The following LTF variants were observed in gnomAD, a reference collection of about 807,000 sequenced individuals.
LTF encodes the protein epididymis luminal protein 110.
A neutral mutation model predicts 87.2 loss-of-function variants in LTF; 91 were observed. The observed-to-expected ratio is 1.04, with a 90% CI of 0.88 to 1.24. The LOEUF is 1.24. Ranked by LOEUF, LTF falls within the 50% of genes most tolerant of loss-of-function variation. The pLI, the probability that LTF is intolerant of heterozygous loss-of-function variation, is 0.00. For missense variants in LTF, 901 were observed against 904.3 expected (o/e 1.00, Z 0.05); for synonymous variants, 378 against 356.1 (o/e 1.06, Z -0.69).
Position 46,437,997 on chromosome 3 carries a change from A to G in LTF, c.2041T>C (p.Tyr681His). Reference protein sequence around the residue: ...RLHGKTTYEKYLGPQYVAGIT... With the variant: ...RLHGKTTYEKHLGPQYVAGIT... ...CCTGCGACATACTGTGGTCCCAAATATTTTTCATATGTTGTTTTGCCATGG... is the reference window on the plus strand; with the variant it reads ...CCTGCGACATACTGTGGTCCCAAATGTTTTTCATATGTTGTTTTGCCATGG... Residue 681 changes from tyrosine (Y) to histidine (H), a missense_variant, in exon 16 of 17, where the codon TAT becomes CAT. Transcript: ENST00000231751. 1 of 1,613,446 alleles carries G rather than the reference A, an allele frequency of 6.2e-7. No individual in the cohort carries two copies. Among genetic ancestry groups the G allele is most frequent in the Non-Finnish European group, 8.5e-7 (1 of 1,179,890 alleles).
intron 14 of LTF, 120 bp downstream of exon 14, chr3:46,441,296 C>A: frequency 1.4e-6 from 1 of 731,376 alleles, no homozygotes; most frequent in Non-Finnish European, 2.3e-6. Flanking sequence ...TTTTGGAGTT[C>A]TTTTAATCAC....
intron 16 of LTF, 150 bp downstream of exon 16, chr3:46,437,790 A>G (rs1375606235): frequency 6.1e-6 from 4 of 650,942 alleles, no homozygotes; most frequent in Non-Finnish European, 1.1e-5. Context: ...TTATTTTATC[A>G]ATGAGATTAT....
chr3:46,446,453 A>G lies in LTF; in HGVS notation c.1344T>C (p.Asp448=). 1 of 1,613,874 alleles carries G rather than the reference A, an allele frequency of 6.2e-7. No individual in the cohort carries two copies. The highest frequency in any genetic ancestry group is 1.1e-5 in the South Asian group (1 of 91,004). Residue 448 remains aspartate (D), a synonymous_variant, in exon 11 of 17, where the codon GAT becomes GAC. Transcript: ENST00000231751. ...QSSDPDPNCV[D]RPVEGYLAVA... ...ATGCCAACTCACCTTCCACAGGTCT[A>G]TCCACACAGTTAGGATCAGGGTCAC...
chr3:46,456,902 G>A (rs1702951364), intron 2 of LTF, among the ~76,000 whole-genome samples: 1 of 152,194 alleles, frequency 6.6e-6, no homozygotes, highest in Non-Finnish European at 1.5e-5. Flanking sequence ...CCAAGGACCA[G>A]TTTCAGGGAA....
chr3:46,454,468 G>C, intron 5 of LTF, 108 bp from the exon 6 acceptor site: 3 of 989,110 alleles, frequency 3.0e-6, no homozygotes, highest in Non-Finnish European at 4.9e-6. Context: ...ACTCCCTGCA[G>C]GGCAGGGCTC....
At chr3:46,452,430 T>G (rs1480062672) in intron 6 of LTF, among the ~76,000 whole-genome samples, 7 of 152,266 alleles carry the variant, frequency 4.6e-5, no homozygotes, top group Non-Finnish European at 8.8e-5. Context: ...AATATGCTGA[T>G]TTTTCATGGA....
intron 1 of LTF, among the ~76,000 whole-genome samples, chr3:46,471,303 T>C (rs1559611304): frequency 6.6e-6 from 1 of 152,222 alleles, no homozygotes; most frequent in Non-Finnish European, 1.5e-5. Context: ...TCTCCTTGGC[T>C]TACCTTCTCC....
At chr3:46,454,421 G>T (rs961008432) in intron 5 of LTF, 61 bp from the exon 6 acceptor site, 2 of 1,360,680 alleles carry the variant, frequency 1.5e-6, no homozygotes, top group African/African-American at 1.4e-5. Flanking sequence ...CCTCCCTGTG[G>T]AACAGTAGCC....
chr3:46,482,550 G>GAAGGA (rs1559614531), intron 1 of LTF, among the ~76,000 whole-genome samples: 4 of 95,670 alleles, frequency 4.2e-5, no homozygotes, highest in African/African-American at 1.7e-4. Flanking sequence ...GAAGGGAAGG[G>GAAGGA]AAGGGAAGGG....
chr3:46,482,040 A>ATTT (rs980048200), intron 1 of LTF, among the ~76,000 whole-genome samples: 1 of 152,094 alleles, frequency 6.6e-6, no homozygotes, highest in African/African-American at 2.4e-5. Flanking sequence ...TGACATAAGC[A>ATTT]TTTTTTTTCA....
intron 13 of LTF, among the ~76,000 whole-genome samples, chr3:46,443,220 G>A (rs1171228391): frequency 1.3e-5 from 2 of 152,236 alleles, no homozygotes; most frequent in South Asian, 2.1e-4. Flanking sequence ...ACAGGGAGAA[G>A]CACTGCGGAG....
At position 46,441,228 on chromosome 3, in the gene LTF, G is replaced by A. The variant is rs191984918; in HGVS notation, c.1723+188C>T. 8.6e-5 allele frequency among the ~76,000 whole-genome samples: 13 copies of A among 152,014 alleles called. No individual in the cohort carries two copies. The East Asian group carries it at 1.4e-3, about 16-fold the overall frequency. ...GAGAGAGTGTGTGTGTATGAATTTC[G>A]TTTCAAAATCCATATGACACCTACA... is the stretch of plus-strand genomic sequence containing the variant. On this transcript the variant is annotated intron_variant, in intron 14 of 16. Coordinates refer to ENST00000231751, the MANE Select transcript of LTF (RefSeq NM_002343.6).
At chr3:46,447,282 T>C in intron 10 of LTF, 26 bp downstream of exon 10, 1 of 1,583,930 alleles carries the variant, frequency 6.3e-7, no homozygotes, top group South Asian at 1.1e-5. Flanking sequence ...AGAGGGAATA[T>C]ACCAGAGGAT....
At position 46,454,370 on chromosome 3, in the gene LTF, G is replaced by A. The variant is rs1005017666; in HGVS notation, c.648-10C>T. ...CCCGTCTCTCAGACACCTGTGAAAA[G>A]AGAAACCATCAGGGGTAAGCACAGG... On this transcript the variant is annotated splice_polypyrimidine_tract_variant and intron_variant, in intron 5 of 16. Coordinates refer to ENST00000231751, the MANE Select transcript of LTF (RefSeq NM_002343.6). 8.7e-6 allele frequency: 14 copies of A among 1,613,890 alleles called. No homozygotes were observed. Among genetic ancestry groups the A allele is most frequent in the Non-Finnish European group, 1.2e-5 (14 of 1,179,762 alleles).
intron 2 of LTF, among the ~76,000 whole-genome samples, chr3:46,458,101 A>G (rs1702985982): frequency 6.6e-6 from 1 of 152,146 alleles, no homozygotes; most frequent in African/African-American, 2.4e-5. Flanking sequence ...ATTCTTTTAT[A>G]GAGTGTAAAT....
rs1703368009 is a variant in LTF at position 46,477,023 on chromosome 3, T to C, written c.-319-6557A>G. ...TATGTATTCTTTTCTGTTGGTCATG[T>C]ACTTAGGAATGGAGTTTTACAGCAT... On this transcript the variant is annotated intron_variant, in intron 1 of 19. Coordinates refer to the LTF transcript ENST00000443496. Among the ~76,000 whole-genome samples, 4 of 152,366 alleles carry C rather than the reference T, an allele frequency of 2.6e-5. No individual in the cohort carries two copies. In the South Asian group the frequency reaches 6.2e-4, roughly 24 times the overall value.
intron 6 of LTF, among the ~76,000 whole-genome samples, chr3:46,451,533 C>T (rs1702801445): frequency 1.3e-5 from 2 of 152,102 alleles, no homozygotes; most frequent in African/African-American, 4.8e-5. Context: ...ATGTGTTCAA[C>T]ATCTATTTGT....
In LTF at chr3:46,459,817, G is replaced by T. The variant is rs1703035413; in HGVS notation, c.46C>A (p.Leu16Met). The T allele has an allele frequency of 6.5e-7, 1 of 1,536,002 alleles. No individual in the cohort carries two copies. Among genetic ancestry groups the T allele is most frequent in the East Asian group, 2.6e-5 (1 of 38,126 alleles). Reference protein sequence around the residue: ...LVLLFLGALGLCLAGRRRSVQ... With the variant: ...LVLLFLGALGMCLAGRRRSVQ... The stretch of plus-strand genomic sequence containing the variant: ...CTCCTCCTACGGCCAGCCAGACACA[G>T]TCCTGGGAGAGAGGGGCCAAGGAGT... Residue 16 changes from leucine (L) to methionine (M), a missense_variant and splice_region_variant, in exon 2 of 17, where the codon CTG becomes ATG. By Grantham distance (15) the Leu-to-Met change is conservative. Transcript: ENST00000231751.
upstream of LTF, among the ~76,000 whole-genome samples, chr3:46,468,056 C>G (rs1006071767): frequency 6.6e-6 from 1 of 152,192 alleles, no homozygotes; most frequent in Non-Finnish European, 1.5e-5. Context: ...AATCCTTTGG[C>G]CAGTTAGCTC....
Sources: gnomAD v4.1 joint callset for allele counts (sites outside exome capture counted in the v4.1 genomes callset) on GRCh38, gnomAD v4.1.1 for gene constraint, MANE v1.5 for transcripts, NCBI Gene and HGNC (gene_info 2026-07-23, HGNC 2026-07-21) for gene names.